EFCAB6: variants seen among roughly 807,000 people sequenced by gnomAD.
The protein encoded by EFCAB6 is EF-hand calcium binding domain 6, also known as EF-hand calcium-binding domain-containing protein 6.
Under a neutral mutation model 169.8 loss-of-function variants are expected in EFCAB6, and 156 were observed. The ratio of observed to expected loss-of-function variants is 0.92; its 90% CI spans 0.81 to 1.05. EFCAB6 has a LOEUF of 1.05. Among genes scored for constraint, EFCAB6 ranks in the 50% least tolerant of loss-of-function variants. The probability of loss-of-function intolerance (pLI) is 0.00; values close to 1 mark genes in which losing one functional copy is unlikely to be tolerated. For synonymous variants in EFCAB6, 698 were observed against 676.4 expected, an observed-to-expected ratio of 1.03 and a Z score of -0.50; for missense variants, 1,800 against 1,829.1, an observed-to-expected ratio of 0.98 and a Z score of 0.29.
intron 8 of EFCAB6, among the ~76,000 whole-genome samples, chr22:43,724,845 G>A (rs560230862): frequency 6.6e-6 from 1 of 152,242 alleles, no homozygotes; most frequent in African/African-American, 2.4e-5. Flanking sequence ...TCCAGCCTTT[G>A]CCAATTACCT....
intron 27 of EFCAB6, among the ~76,000 whole-genome samples, chr22:43,545,188 A>T (rs1040458744): frequency 2.6e-5 from 4 of 152,156 alleles, no homozygotes. Context: ...GAATTCAGAC[A>T]TGAAAACAGA....
intron 15 of EFCAB6, among the ~76,000 whole-genome samples, chr22:43,669,261 C>T (rs2057385788): frequency 6.6e-6 from 1 of 152,140 alleles, no homozygotes; most frequent in Non-Finnish European, 1.5e-5. Context: ...TTGTAACAGC[C>T]AAACATTACA....
chr22:43,773,159 G>C (rs1468837996), intron 3 of EFCAB6, 56 bp from the exon 4 acceptor site: 1 of 1,562,820 alleles, frequency 6.4e-7, no homozygotes, highest in East Asian at 2.3e-5. Context: ...ATACTAAACA[G>C]AAACTCTTGC....
At chr22:43,677,266 AT>A (rs2057799195) in intron 13 of EFCAB6, among the ~76,000 whole-genome samples, 1 of 152,192 alleles carries the variant, frequency 6.6e-6, no homozygotes, top group Non-Finnish European at 1.5e-5. Context: ...ATAAGCAGTT[AT>A]TTTTTTAAAG....
Position 43,537,413 on chromosome 22 carries a change from C to G in EFCAB6, c.4012G>C (p.Ala1338Pro), listed in dbSNP as rs2047447945. The change falls in exon 29 of 32, where the codon GCC (alanine) becomes CCC (proline). Residue 1338 changes from alanine (A) to proline (P), a missense_variant. By Grantham distance (27) the Ala-to-Pro change is conservative (BLOSUM62 -1). Coordinates refer to ENST00000262726, the MANE Select transcript of EFCAB6 (RefSeq NM_022785.4). The surrounding 1 kb of genome is among the most constrained non-coding windows in gnomAD (Gnocchi z 4.3). ...LLKECKEKDV[A>P]RQGDINASDF... is the part of the protein sequence containing the mutation. ...GAGGCGTTGATGTCCCCCTGTCTGG[C>G]CACGTCCTTCTCCTTGCATTCTTTC... is the stretch of plus-strand genomic sequence containing the variant. The G allele has an allele frequency of 6.2e-7, 1 of 1,614,036 alleles. No individual in the cohort carries two copies. The highest frequency in any genetic ancestry group is 1.7e-5 in the Admixed American group (1 of 59,996).
At chr22:43,753,912 CA>C (rs1216765129) in intron 6 of EFCAB6, among the ~76,000 whole-genome samples, 1 of 152,152 alleles carries the variant, frequency 6.6e-6, no homozygotes, top group African/African-American at 2.4e-5. Context: ...CTTTCATTCC[CA>C]AACTGTAACC....
In EFCAB6 at chr22:43,677,710, G is replaced by A. The variant is rs114489431; in HGVS notation, c.1419+286C>T. Among the ~76,000 whole-genome samples the A allele has an allele frequency of 4.2e-3, 639 of 152,192 alleles. 7 individuals carry two copies. The highest frequency in any genetic ancestry group is 0.015 in the African/African-American group (612 of 41,522). The stretch of plus-strand genomic sequence containing the variant: ...ATAAATAAATAAATAAGACATGGCT[G>A]CAAGAGGAGTGCTGTTGAGGTGGCG... On this transcript the variant is annotated intron_variant, in intron 13 of 31. Coordinates refer to ENST00000262726, the MANE Select transcript of EFCAB6 (RefSeq NM_022785.4).
chr22:43,750,222 A>G (rs2060708665), intron 6 of EFCAB6, among the ~76,000 whole-genome samples: 1 of 152,200 alleles, frequency 6.6e-6, no homozygotes, highest in Non-Finnish European at 1.5e-5. Flanking sequence ...ATGATACAGC[A>G]ACCAAAAATA....
chr22:43,554,841 A>G (rs746121220), intron 27 of EFCAB6, 28 bp downstream of exon 27: 1 of 1,596,146 alleles, frequency 6.3e-7, no homozygotes, highest in Non-Finnish European at 8.6e-7. Flanking sequence ...AACGGTGTGC[A>G]GGGTGAGGAC....
intron 8 of EFCAB6, among the ~76,000 whole-genome samples, chr22:43,723,294 G>T (rs1052283451): frequency 6.6e-6 from 1 of 152,084 alleles, no homozygotes. Flanking sequence ...TATAAGCATG[G>T]GAACAACAGA....
intron 6 of EFCAB6, among the ~76,000 whole-genome samples, chr22:43,737,842 T>C (rs560827607): frequency 3.4e-5 from 5 of 147,766 alleles, no homozygotes; most frequent in Admixed American, 6.7e-5. Flanking sequence ...CTCACACACA[T>C]ATATTCTCAC....
At chr22:43,792,282 G>A (rs1267371642) in intron 2 of EFCAB6, among the ~76,000 whole-genome samples, 3 of 152,206 alleles carry the variant, frequency 2.0e-5, no homozygotes, top group Non-Finnish European at 4.4e-5. Flanking sequence ...ACACGAACCT[G>A]TGGTTGTGTG....
At chr22:43,577,209 A>AT (rs966158654) in intron 25 of EFCAB6, among the ~76,000 whole-genome samples, 1 of 152,150 alleles carries the variant, frequency 6.6e-6, no homozygotes, top group Non-Finnish European at 1.5e-5. Flanking sequence ...AAGAAAGCAC[A>AT]TTTTTTTCCA....
At chr22:43,716,750 C>A in intron 9 of EFCAB6, 98 bp downstream of exon 9, 1 of 1,437,708 alleles carries the variant, frequency 7.0e-7, no homozygotes, top group South Asian at 1.8e-5. Context: ...AGGATCGAAA[C>A]AAATTTTAGA....
intron 17 of EFCAB6, among the ~76,000 whole-genome samples, chr22:43,662,187 A>G (rs905041172): frequency 6.8e-6 from 1 of 147,796 alleles, no homozygotes; most frequent in African/African-American, 2.5e-5. Context: ...TAATAATAAT[A>G]ATAATAATAA....
At chr22:43,642,131 G>C (rs2055846234) in intron 17 of EFCAB6, among the ~76,000 whole-genome samples, 1 of 152,048 alleles carries the variant, frequency 6.6e-6, no homozygotes, top group Non-Finnish European at 1.5e-5. Flanking sequence ...AGTAGAGATG[G>C]AGTTTCTCCA....
chr22:43,655,384 T>G (rs1417556300), intron 17 of EFCAB6, among the ~76,000 whole-genome samples: 1 of 152,120 alleles, frequency 6.6e-6, no homozygotes, highest in Non-Finnish European at 1.5e-5. Flanking sequence ...GAACAATGAT[T>G]TCTATTTGAC....
In EFCAB6 at chr22:43,735,918, G is replaced by A. The variant is rs1413491971; in HGVS notation, c.583C>T (p.Gln195Ter). The change falls in exon 7 of 32, where the codon CAG becomes TAG. Residue 195 changes from glutamine (Q) to a stop codon, truncating the protein, a stop_gained. Transcript: ENST00000262726. LOFTEE classifies it high-confidence loss of function. ...GTCTCCAGAACCCTTCTTAGCTCCT[G>A]CGGTCGAACCAGTCCAGTCTTGTTA... ...DVNKTGLVRPQELRRVLETFC... is the reference protein window; with the variant it reads ...DVNKTGLVRP 38 of 1,614,006 alleles carry A rather than the reference G, an allele frequency of 2.4e-5. No individual in the cohort carries two copies. The highest frequency in any genetic ancestry group is 3.0e-5 in the Non-Finnish European group (35 of 1,180,034).
intron 26 of EFCAB6, among the ~76,000 whole-genome samples, chr22:43,564,707 G>A (rs1483977356): frequency 6.6e-6 from 1 of 152,164 alleles, no homozygotes; most frequent in Non-Finnish European, 1.5e-5. Context: ...GTTCACGTTC[G>A]GTTTTATTGT....
Sources: gnomAD v4.1 joint callset for allele counts (sites outside exome capture counted in the v4.1 genomes callset) on GRCh38, gnomAD v4.1.1 for gene constraint, Gnocchi (gnomAD v3.1) non-coding constraint, MANE v1.5 for transcripts, NCBI Gene and HGNC (gene_info 2026-07-23, HGNC 2026-07-21) for gene names.